The following ADD3 variants were observed in gnomAD, a reference collection of about 807,000 sequenced individuals.
The protein encoded by ADD3 is adducin 3, also known as gamma-adducin.
A neutral mutation model predicts 80.2 loss-of-function variants in ADD3; 25 were observed. The observed-to-expected ratio is 0.31, with a 90% CI of 0.23 to 0.44. The LOEUF (loss-of-function observed/expected upper bound fraction) is 0.44, where lower values mean the gene tolerates loss of function less well. Among genes scored for constraint, ADD3 ranks in the 20% least tolerant of loss-of-function variants. ADD3 has a pLI of 1.00. For synonymous variants in ADD3, 284 were observed against 289.6 expected (o/e 0.98, Z 0.20); for missense variants, 829 against 847.5 (o/e 0.98, Z 0.27).
At chr10:110,124,470 T>C (rs1388312476) in intron 10 of ADD3, among the ~76,000 whole-genome samples, 196 bp downstream of exon 10, 1 of 152,160 alleles carries the variant, frequency 6.6e-6, no homozygotes, top group African/African-American at 2.4e-5. Flanking sequence ...TCTCCTAATA[T>C]GAATGATGCT....
intron 1 of ADD3, among the ~76,000 whole-genome samples, chr10:110,027,272 G>T (rs1854423978): frequency 6.6e-6 from 1 of 152,094 alleles, no homozygotes; most frequent in South Asian, 2.1e-4. Context: ...TAATCATAAG[G>T]ATTAGGCCTT....
intron 1 of ADD3, among the ~76,000 whole-genome samples, chr10:110,044,852 C>CT (rs2133333821): frequency 6.6e-6 from 1 of 152,246 alleles, no homozygotes; most frequent in Admixed American, 6.5e-5. Flanking sequence ...CATAGTAAAA[C>CT]TATGTGTATA....
chr10:110,130,496 T>A lies in ADD3; in HGVS notation c.1732+10T>A. ...CAACAAGGCCTAGAAGGTTAGTTAA[T>A]CTTTACATTCAACCTAGGGTAAGCC... On this transcript the variant is annotated intron_variant, in intron 13 of 14. Transcript: ENST00000356080. 1 of 1,612,614 alleles carries A rather than the reference T, an allele frequency of 6.2e-7. No individual in the cohort carries two copies. Among genetic ancestry groups the A allele is most frequent in the Non-Finnish European group, 8.5e-7 (1 of 1,179,378 alleles).
At chr10:110,091,146 A>G (rs550594719) in intron 1 of ADD3, among the ~76,000 whole-genome samples, 8 of 152,212 alleles carry the variant, frequency 5.3e-5, no homozygotes, top group Admixed American at 2.0e-4. Flanking sequence ...AATATTTACT[A>G]TTTCCACTTT....
chr10:110,012,183 A>G (rs954296930), intron 1 of ADD3, among the ~76,000 whole-genome samples: 2 of 152,206 alleles, frequency 1.3e-5, no homozygotes, highest in Non-Finnish European at 2.9e-5. Context: ...TGTAATATTT[A>G]TTGAGTACCA....
upstream of ADD3, among the ~76,000 whole-genome samples, chr10:110,002,949 C>T (rs563072311): frequency 3.9e-5 from 6 of 152,286 alleles, no homozygotes; most frequent in African/African-American, 1.4e-4. Context: ...GAATGGAGAA[C>T]TCATTAGCAT....
chr10:110,041,105 G>A (rs905275983), intron 1 of ADD3, among the ~76,000 whole-genome samples: 1 of 152,142 alleles, frequency 6.6e-6, no homozygotes, highest in Non-Finnish European at 1.5e-5. Flanking sequence ...TGGGTGATAA[G>A]AGTTTGATTT....
At chr10:110,123,803 A>G (rs1239877676) in intron 9 of ADD3, 3 of 533,670 alleles carry the variant, frequency 5.6e-6, no homozygotes, top group East Asian at 3.1e-5. Context: ...GGAAATTGCA[A>G]TATCAGCTGT....
intron 1 of ADD3, among the ~76,000 whole-genome samples, chr10:110,093,033 A>C (rs1454034576): frequency 6.6e-6 from 1 of 152,020 alleles, no homozygotes; most frequent in Non-Finnish European, 1.5e-5. Context: ...TAATTTTTAC[A>C]TTTTTAGTAG....
chr10:110,028,848 T>G (rs1358979694), intron 1 of ADD3, among the ~76,000 whole-genome samples: 1 of 152,176 alleles, frequency 6.6e-6, no homozygotes, highest in Non-Finnish European at 1.5e-5. Context: ...AACTCTCGTC[T>G]TTCCCTACAT....
chr10:110,058,364 G>A (rs554732444), intron 1 of ADD3, among the ~76,000 whole-genome samples: 2 of 152,166 alleles, frequency 1.3e-5, no homozygotes, highest in African/African-American at 4.8e-5. Flanking sequence ...CTGTGGAGCC[G>A]CCTGTGAAAA....
chr10:110,112,802 T>G lies in ADD3; in HGVS notation c.221T>G (p.Leu74Arg). 6.2e-7 allele frequency: 1 copy of G among 1,613,930 alleles called. No individual in the cohort carries two copies. The highest frequency in any genetic ancestry group is 8.5e-7 in the Non-Finnish European group (1 of 1,179,950). Residue 74 changes from leucine (L) to arginine (R), a missense_variant, in exon 3 of 15, where the codon CTT becomes CGT. Coordinates refer to ENST00000356080, the MANE Select transcript of ADD3 (RefSeq NM_016824.5). ...GCCTTTCGGGAAGACTTGGAATGCC[T>G]TATTCAAGAACAGATGAAGAAAGGC... ...SPAFREDLEC[L>R]IQEQMKKGHN...
intron 1 of ADD3, among the ~76,000 whole-genome samples, chr10:110,100,349 C>CAAAAAA (rs750807063): frequency 5.3e-5 from 4 of 74,976 alleles, no homozygotes; most frequent in Middle Eastern, 7.4e-3. Context: ...GACTCCATCT[C>CAAAAAA]AAAAAAAAAA....
At chr10:110,104,457 C>T (rs945229723) in intron 2 of ADD3, among the ~76,000 whole-genome samples, 3 of 152,160 alleles carry the variant, frequency 2.0e-5, no homozygotes, top group Non-Finnish European at 4.4e-5. Context: ...TCCTTTTGTA[C>T]TGTCTTTGTT....
chr10:110,017,991 C>A (rs936363507), intron 1 of ADD3, among the ~76,000 whole-genome samples: 1 of 152,132 alleles, frequency 6.6e-6, no homozygotes, highest in African/African-American at 2.4e-5. Flanking sequence ...CCCAGTCACC[C>A]TTAGGGCTTC....
intron 12 of ADD3, among the ~76,000 whole-genome samples, chr10:110,128,935 C>T (rs773321050): frequency 8.5e-5 from 13 of 152,096 alleles, no homozygotes; most frequent in South Asian, 2.1e-4. Flanking sequence ...ACACAGAGCT[C>T]GGGGATTGGT....
intron 1 of ADD3, chr10:110,016,540 T>C (rs1487376357): frequency 1.3e-5 from 2 of 152,252 alleles, no homozygotes; most frequent in African/African-American, 2.4e-5. Context: ...TGGTTGGTTA[T>C]TGATGGCTCC....
chr10:110,010,624 A>G (rs187069928), intron 1 of ADD3, among the ~76,000 whole-genome samples: 249 of 152,322 alleles, frequency 1.6e-3, no homozygotes, highest in South Asian at 4.4e-3. Flanking sequence ...GTAATAGCCA[A>G]TATTTATTTG....
intron 1 of ADD3, among the ~76,000 whole-genome samples, chr10:110,031,091 A>G (rs1049597906): frequency 6.6e-6 from 1 of 152,194 alleles, no homozygotes; most frequent in Non-Finnish European, 1.5e-5. Flanking sequence ...GCTGACTAAC[A>G]TGAGGAAACA....
Sources: gnomAD v4.1 joint callset for allele counts (sites outside exome capture counted in the v4.1 genomes callset) on GRCh38, gnomAD v4.1.1 for gene constraint, MANE v1.5 for transcripts, NCBI Gene and HGNC (gene_info 2026-07-23, HGNC 2026-07-21) for gene names.